Variants in CSMD1 observed in about 807,000 individuals in gnomAD.
The protein encoded by CSMD1 is CUB and Sushi multiple domains 1.
In CSMD1, 213 loss-of-function variants were observed where a neutral mutation model predicts 417.5. The observed-to-expected ratio is 0.51, with a 90% CI of 0.46 to 0.57. The LOEUF (loss-of-function observed/expected upper bound fraction) is 0.57, where lower values mean the gene tolerates loss of function less well. CSMD1 is among the 20% of genes least tolerant of loss of function. CSMD1 has a pLI of 0.00. For synonymous variants in CSMD1, 2,862 were observed against 1,736.8 expected, an observed-to-expected ratio of 1.65 and a Z score of -16.11; for missense variants, 6,923 against 4,529.7, an observed-to-expected ratio of 1.53 and a Z score of -15.17.
chr8:3,258,739 C>T (rs1800839499), intron 26 of CSMD1, among the ~76,000 whole-genome samples: 1 of 152,202 alleles, frequency 6.6e-6, no homozygotes, highest in African/African-American at 2.4e-5. Flanking sequence ...GGTACATATA[C>T]ACCATGGAAT....
At chr8:3,911,674 G>C (rs1221049010) in intron 5 of CSMD1, among the ~76,000 whole-genome samples, 5 of 151,766 alleles carry the variant, frequency 3.3e-5, no homozygotes, top group South Asian at 2.1e-4. Context: ...GTCATTGCTT[G>C]TCGGAGCTGC....
intron 3 of CSMD1, among the ~76,000 whole-genome samples, chr8:4,374,849 G>C (rs1222348719): frequency 2.6e-5 from 4 of 151,390 alleles, no homozygotes; most frequent in African/African-American, 9.7e-5. Flanking sequence ...TGAATTTAAA[G>C]AACCTAGGGG....
chr8:3,899,760 G>C (rs1002326343), intron 5 of CSMD1, among the ~76,000 whole-genome samples: 1 of 152,176 alleles, frequency 6.6e-6, no homozygotes, highest in Non-Finnish European at 1.5e-5. Flanking sequence ...TGTATGACCA[G>C]CTTTCAGGGC....
chr8:3,144,015 A>T (rs1021902940), intron 40 of CSMD1, among the ~76,000 whole-genome samples: 30 of 152,350 alleles, frequency 2.0e-4, no homozygotes, highest in African/African-American at 5.8e-4. Context: ...TTCATTAATT[A>T]TGGAGAAACT....
intron 3 of CSMD1, among the ~76,000 whole-genome samples, chr8:4,194,566 A>G (rs1057133067): frequency 1.6e-4 from 25 of 152,314 alleles, no homozygotes; most frequent in African/African-American, 5.8e-4. Context: ...GCAAATAAAA[A>G]GTACGCCATT....
intron 1 of CSMD1, among the ~76,000 whole-genome samples, chr8:4,723,378 A>T (rs1166122609): frequency 3.3e-5 from 5 of 152,172 alleles, no homozygotes; most frequent in Non-Finnish European, 5.9e-5. Flanking sequence ...ACTCATGAAA[A>T]ACATGTTGCC....
intron 3 of CSMD1, among the ~76,000 whole-genome samples, chr8:4,182,486 T>C (rs1798434044): frequency 6.6e-6 from 1 of 152,164 alleles, no homozygotes; most frequent in Admixed American, 6.5e-5. Flanking sequence ...TCAAATAAGA[T>C]ACGTCACATT....
chr8:4,013,874 T>C (rs1476076958), intron 4 of CSMD1, among the ~76,000 whole-genome samples: 3 of 152,148 alleles, frequency 2.0e-5, no homozygotes, highest in African/African-American at 7.2e-5. Flanking sequence ...AAAACAGAGA[T>C]CATATGACAT....
intron 5 of CSMD1, among the ~76,000 whole-genome samples, chr8:3,821,254 C>G (rs60605138): frequency 0.02 from 3,100 of 152,174 alleles, 112 homozygotes; most frequent in African/African-American, 0.069. Flanking sequence ...TGAGTACACA[C>G]TAAAATAACA....
At chr8:4,910,970 G>A (rs180910113) in intron 1 of CSMD1, among the ~76,000 whole-genome samples, 1 of 152,114 alleles carries the variant, frequency 6.6e-6, no homozygotes, top group Non-Finnish European at 1.5e-5. Context: ...TAAGCCTCAG[G>A]AGACCTGATG....
In CSMD1 at chr8:4,710,654, G is replaced by C. The variant is rs577413825; in HGVS notation, c.86-73096C>G. 1.3e-4 allele frequency among the ~76,000 whole-genome samples: 20 copies of C among 151,250 alleles called. No individual in the cohort carries two copies. The South Asian group carries it at 4.0e-3, about 30-fold the overall frequency. ...AGCTCAGGAGATGGAGACCACCCTG[G>C]CTAACAAGGTGAAACCCCGTCTCTA... On this transcript the variant is annotated intron_variant, in intron 1 of 69. Transcript: ENST00000635120.
intron 12 of CSMD1, among the ~76,000 whole-genome samples, chr8:3,446,248 C>G (rs1258324140): frequency 6.6e-6 from 1 of 152,226 alleles, no homozygotes; most frequent in Non-Finnish European, 1.5e-5. Flanking sequence ...GAGGGACAGA[C>G]TCTCAGAAAT....
chr8:3,876,590 T>C (rs1224872665), intron 5 of CSMD1, among the ~76,000 whole-genome samples: 6 of 152,202 alleles, frequency 3.9e-5, no homozygotes, highest in East Asian at 1.9e-4. Context: ...CTTTTTATCA[T>C]GCTTCATGGT....
intron 2 of CSMD1, among the ~76,000 whole-genome samples, chr8:4,446,731 GTC>G (rs1798816379): frequency 9.6e-5 from 13 of 136,090 alleles, no homozygotes; most frequent in East Asian, 6.5e-4. Context: ...GTGTGTGTGT[GTC>G]TGTGTGTGTG....
intron 63 of CSMD1, among the ~76,000 whole-genome samples, chr8:2,957,075 T>G (rs578090262): frequency 6.6e-6 from 1 of 152,202 alleles, no homozygotes; most frequent in South Asian, 2.1e-4. Context: ...AAATTCAGAG[T>G]GAGTGAAATG....
At chr8:4,461,445 T>TAC (rs1799810484) in intron 2 of CSMD1, among the ~76,000 whole-genome samples, 1 of 149,688 alleles carries the variant, frequency 6.7e-6, no homozygotes. Flanking sequence ...TGATCTAGTA[T>TAC]ACAGAACATC....
intron 1 of CSMD1, among the ~76,000 whole-genome samples, chr8:4,785,857 T>C (rs1797375246): frequency 6.6e-6 from 1 of 152,178 alleles, no homozygotes. Flanking sequence ...ATGTTCTTCA[T>C]GATCCTAAGA....
chr8:4,550,327 ACG>A (rs1158901906), intron 2 of CSMD1, among the ~76,000 whole-genome samples: 2 of 137,926 alleles, frequency 1.5e-5, no homozygotes, highest in African/African-American at 5.7e-5. Context: ...GCATACACAC[ACG>A]CACACACACA....
At chr8:3,485,540 G>GAGAC (rs1563082957) in intron 11 of CSMD1, among the ~76,000 whole-genome samples, 5 of 66,122 alleles carry the variant, frequency 7.6e-5, no homozygotes, top group East Asian at 4.7e-4. Flanking sequence ...CACACACACA[G>GAGAC]AGAGAGAGAG....
Sources: gnomAD v4.1 joint callset for allele counts (sites outside exome capture counted in the v4.1 genomes callset) on GRCh38, gnomAD v4.1.1 for gene constraint, MANE v1.5 for transcripts, NCBI Gene and HGNC (gene_info 2026-07-23, HGNC 2026-07-21) for gene names.